Variants in GALNTL6 observed in about 807,000 individuals in gnomAD.
The protein encoded by GALNTL6 is polypeptide N-acetylgalactosaminyltransferase like 6.
Under a neutral mutation model 73.7 loss-of-function variants are expected in GALNTL6, and 46 were observed. That is an observed-to-expected ratio of 0.62 (90% CI 0.49 to 0.80). The LOEUF is 0.80. Among genes scored for constraint, GALNTL6 ranks in the 30% least tolerant of loss-of-function variants. The pLI is 0.00. For synonymous variants in GALNTL6, 259 were observed against 263.7 expected, an observed-to-expected ratio of 0.98 and a Z score of 0.17; for missense variants, 604 against 755.0, an observed-to-expected ratio of 0.80 and a Z score of 2.34.
chr4:172,471,626 T>C (rs373470743), intron 5 of GALNTL6, among the ~76,000 whole-genome samples: 1 of 152,226 alleles, frequency 6.6e-6, no homozygotes, highest in Admixed American at 6.5e-5. Context: ...TCTAGCTGAA[T>C]GTCTTGCATG....
At chr4:172,796,573 TTTTTGGTCCCC>T (rs1489238542) in intron 5 of GALNTL6, among the ~76,000 whole-genome samples, 1 of 152,202 alleles carries the variant, frequency 6.6e-6, no homozygotes, top group Non-Finnish European at 1.5e-5. Flanking sequence ...CTAAGACGCA[TTTTTGGTCCCC>T]TTAATACTTT....
At chr4:172,635,808 A>G (rs79405343) in intron 5 of GALNTL6, among the ~76,000 whole-genome samples, 87 of 152,362 alleles carry the variant, frequency 5.7e-4, no homozygotes, top group African/African-American at 2.0e-3. Flanking sequence ...TTCTGGTAGC[A>G]TATCATACTT....
intron 2 of GALNTL6, among the ~76,000 whole-genome samples, chr4:172,202,016 A>G (rs1220725791): frequency 6.6e-6 from 1 of 152,204 alleles, no homozygotes; most frequent in Non-Finnish European, 1.5e-5. Context: ...AAGCACGTTA[A>G]CCATCATATG....
chr4:172,832,912 G>A (rs1742713905), intron 7 of GALNTL6, among the ~76,000 whole-genome samples: 1 of 152,178 alleles, frequency 6.6e-6, no homozygotes, highest in African/African-American at 2.4e-5. Context: ...GAAAGAAGGG[G>A]CGGTGATCCC....
intron 5 of GALNTL6, among the ~76,000 whole-genome samples, chr4:172,465,894 T>C (rs1409565509): frequency 6.6e-6 from 1 of 152,216 alleles, no homozygotes; most frequent in Non-Finnish European, 1.5e-5. Flanking sequence ...GCAACATGCT[T>C]TATGGCTTTT....
At chr4:172,331,786 A>G (rs1741134438) in intron 4 of GALNTL6, among the ~76,000 whole-genome samples, 1 of 152,170 alleles carries the variant, frequency 6.6e-6, no homozygotes, top group African/African-American at 2.4e-5. Context: ...CCCTCAACAA[A>G]CATTTGGGTT....
intron 3 of GALNTL6, among the ~76,000 whole-genome samples, chr4:172,309,200 C>T (rs899010973): frequency 1.3e-5 from 2 of 151,778 alleles, no homozygotes; most frequent in African/African-American, 4.8e-5. Flanking sequence ...CTTATCAATC[C>T]CCAGCCGTAT....
At chr4:172,514,623 A>C (rs1205306987) in intron 5 of GALNTL6, among the ~76,000 whole-genome samples, 1 of 151,832 alleles carries the variant, frequency 6.6e-6, no homozygotes, top group Non-Finnish European at 1.5e-5. Flanking sequence ...AAAAATTTTC[A>C]CTCAGTTGAA....
At chr4:172,237,635 T>TTGATG (rs1737285323) in intron 3 of GALNTL6, among the ~76,000 whole-genome samples, 1 of 152,194 alleles carries the variant, frequency 6.6e-6, no homozygotes, top group Non-Finnish European at 1.5e-5. Context: ...GCAGTTTTTT[T>TTGATG]TGATGTCTTC....
At chr4:171,824,734 A>T (rs1734778804) in intron 2 of GALNTL6, among the ~76,000 whole-genome samples, 1 of 152,012 alleles carries the variant, frequency 6.6e-6, no homozygotes, top group Non-Finnish European at 1.5e-5. Context: ...TTGCATTTTT[A>T]TTTTTATTTT....
intron 2 of GALNTL6, among the ~76,000 whole-genome samples, chr4:172,008,224 C>T (rs540916995): frequency 1.2e-4 from 19 of 152,142 alleles, no homozygotes; most frequent in African/African-American, 4.6e-4. Context: ...GCAACCTAAA[C>T]CATTTAAAAT....
chr4:172,345,901 G>A (rs1457120143), intron 4 of GALNTL6, among the ~76,000 whole-genome samples: 1 of 152,158 alleles, frequency 6.6e-6, no homozygotes, highest in Non-Finnish European at 1.5e-5. Flanking sequence ...AGACAATATG[G>A]AACATACCTC....
chr4:172,222,789 A>C (rs1314134674), intron 2 of GALNTL6, among the ~76,000 whole-genome samples: 4 of 151,938 alleles, frequency 2.6e-5, no homozygotes, highest in Non-Finnish European at 5.9e-5. Flanking sequence ...TAAATTTGCA[A>C]GTTCCAGGTC....
At chr4:172,519,888 T>C (rs1360895694) in intron 5 of GALNTL6, among the ~76,000 whole-genome samples, 2 of 151,820 alleles carry the variant, frequency 1.3e-5, no homozygotes, top group African/African-American at 4.8e-5. Context: ...TTCACTCTAA[T>C]AGTCCTCCTA....
At chr4:172,924,714 G>T (rs556165974) in intron 8 of GALNTL6, among the ~76,000 whole-genome samples, 83 of 152,262 alleles carry the variant, frequency 5.5e-4, no homozygotes, top group African/African-American at 2.0e-3. Context: ...GGCCAGGGGA[G>T]TGGGAAGGTA....
At chr4:173,005,414 C>T (rs961567897) in intron 10 of GALNTL6, among the ~76,000 whole-genome samples, 8 of 152,086 alleles carry the variant, frequency 5.3e-5, no homozygotes, top group Non-Finnish European at 1.0e-4. Flanking sequence ...TTTAATATCC[C>T]GTGTCCTAAG....
intron 5 of GALNTL6, among the ~76,000 whole-genome samples, chr4:172,360,860 A>G (rs1217920263): frequency 6.6e-6 from 1 of 152,208 alleles, no homozygotes; most frequent in Non-Finnish European, 1.5e-5. Flanking sequence ...CACCCAGAAG[A>G]TAGGAAGTCT....
chr4:171,843,992 A>T (rs1735307277), intron 2 of GALNTL6, among the ~76,000 whole-genome samples: 1 of 152,182 alleles, frequency 6.6e-6, no homozygotes, highest in East Asian at 1.9e-4. Flanking sequence ...ACTAACTTCA[A>T]AATATCTGTA....
At chr4:172,357,045 C>T (rs918879920) in intron 5 of GALNTL6, among the ~76,000 whole-genome samples, 1 of 152,012 alleles carries the variant, frequency 6.6e-6, no homozygotes, top group African/African-American at 2.4e-5. Flanking sequence ...TATGTGTATA[C>T]CCAAGTATTG....
Sources: gnomAD v4.1 joint callset for allele counts (sites outside exome capture counted in the v4.1 genomes callset) on GRCh38, gnomAD v4.1.1 for gene constraint, MANE v1.5 for transcripts, NCBI Gene and HGNC (gene_info 2026-07-23, HGNC 2026-07-21) for gene names.